Variants in PRKACB observed in about 807,000 individuals in gnomAD.
PRKACB encodes the protein cAMP-dependent protein kinase catalytic subunit beta.
A neutral mutation model predicts 51.4 loss-of-function variants in PRKACB; 16 were observed. The observed-to-expected ratio is 0.31, with a 90% CI of 0.21 to 0.47. The LOEUF is 0.47. Ranked by LOEUF, PRKACB falls within the 20% of genes least tolerant of loss-of-function variation. The pLI is 1.00. For missense variants in PRKACB, 309 were observed against 464.5 expected (o/e 0.67, Z 3.08); for synonymous variants, 147 against 154.4 (o/e 0.95, Z 0.35).
At chr1:84,160,886 A>G (rs538863999) in intron 1 of PRKACB, among the ~76,000 whole-genome samples, 3 of 151,856 alleles carry the variant, frequency 2.0e-5, no homozygotes, top group African/African-American at 7.2e-5. Flanking sequence ...GAGACATTAT[A>G]TTTTCTAGCA....
chr1:84,134,346 CT>C (rs1389708685), intron 1 of PRKACB, among the ~76,000 whole-genome samples: 4 of 114,632 alleles, frequency 3.5e-5, no homozygotes, highest in Non-Finnish European at 8.6e-5. Context: ...GGGGCCTTCG[CT>C]GGGGACCCTG....
intron 1 of PRKACB, among the ~76,000 whole-genome samples, chr1:84,158,281 G>A (rs189570789): frequency 2.3e-4 from 35 of 151,884 alleles, no homozygotes; most frequent in Non-Finnish European, 4.7e-4. Flanking sequence ...CAAGTGATCC[G>A]CCCGCCTCAG....
chr1:84,172,836 C>T (rs1296110577), intron 1 of PRKACB, among the ~76,000 whole-genome samples: 3 of 151,462 alleles, frequency 2.0e-5, no homozygotes, highest in Non-Finnish European at 4.4e-5. Flanking sequence ...CTTTCATTGC[C>T]TATTAAACTT....
intron 1 of PRKACB, among the ~76,000 whole-genome samples, chr1:84,116,743 A>C (rs147052338): frequency 6.6e-6 from 1 of 152,276 alleles, no homozygotes; most frequent in Non-Finnish European, 1.5e-5. Context: ...TTCTAGGTAT[A>C]AGATCATATC....
rs1163996126 is a variant in PRKACB at position 84,235,181 on chromosome 1, T to C, written c.1073T>C (p.Val358Ala). 2 of 1,611,044 alleles carry C rather than the reference T, an allele frequency of 1.2e-6. No individual in the cohort carries two copies. Among genetic ancestry groups the C allele is most frequent in the East Asian group, 2.2e-5 (1 of 44,872 alleles). ...TTTTTCTCTCCCTCTCAATTATAGG[T>C]TGAAGCTCCATTCATACCAAAGTTT... ...TDWIAIYQRK[V>A]EAPFIPKFRG... The change falls in exon 10 of 10, where the codon GTT becomes GCT. Residue 358 changes from valine to alanine, a missense_variant and splice_region_variant. Coordinates refer to ENST00000370685, the MANE Select transcript of PRKACB (RefSeq NM_182948.4).
At chr1:84,212,454 A>G (rs1436596661) in intron 8 of PRKACB, among the ~76,000 whole-genome samples, 2 of 152,208 alleles carry the variant, frequency 1.3e-5, no homozygotes, top group African/African-American at 2.4e-5. Context: ...CTTTGAGAAC[A>G]TGAGAATGTA....
intron 1 of PRKACB, among the ~76,000 whole-genome samples, chr1:84,079,237 G>A (rs1043439658): frequency 6.6e-6 from 1 of 152,072 alleles, no homozygotes; most frequent in Non-Finnish European, 1.5e-5. Flanking sequence ...AATAAAAGTT[G>A]GTTTGCCTTT....
At chr1:84,230,586 T>G (rs1431372848) in intron 9 of PRKACB, among the ~76,000 whole-genome samples, 1 of 152,054 alleles carries the variant, frequency 6.6e-6, no homozygotes, top group African/African-American at 2.4e-5. Context: ...CTTCCATTTG[T>G]TTGTATCTTC....
At chr1:84,136,336 A>T (rs930406648) in intron 1 of PRKACB, among the ~76,000 whole-genome samples, 1 of 151,872 alleles carries the variant, frequency 6.6e-6, no homozygotes, top group Non-Finnish European at 1.5e-5. Flanking sequence ...AAGATAACAA[A>T]CAACCCTATT....
chr1:84,226,362 T>A (rs1468619692), intron 9 of PRKACB, among the ~76,000 whole-genome samples: 1 of 151,824 alleles, frequency 6.6e-6, no homozygotes, highest in Non-Finnish European at 1.5e-5. Flanking sequence ...ATCTTGAGAA[T>A]TTACCATTAT....
At chr1:84,178,459 G>A (rs1430296664) in intron 1 of PRKACB, among the ~76,000 whole-genome samples, 2 of 151,904 alleles carry the variant, frequency 1.3e-5, no homozygotes, top group Non-Finnish European at 2.9e-5. Context: ...ATAAAATAAT[G>A]TGGCTATTTT....
At chr1:84,145,503 A>G (rs1184167648) in intron 1 of PRKACB, among the ~76,000 whole-genome samples, 1 of 152,128 alleles carries the variant, frequency 6.6e-6, no homozygotes, top group Admixed American at 6.5e-5. Context: ...ATGGCTTACA[A>G]AATTTACTCC....
At chr1:84,175,585 TTCAG>T (rs539532980) in intron 1 of PRKACB, among the ~76,000 whole-genome samples, 97 of 151,928 alleles carry the variant, frequency 6.4e-4, no homozygotes, top group African/African-American at 2.2e-3. Context: ...TGCCTGAATT[TTCAG>T]TCAGTTTTCC....
intron 9 of PRKACB, among the ~76,000 whole-genome samples, chr1:84,223,885 C>G (rs767427525): frequency 2.0e-5 from 3 of 152,092 alleles, no homozygotes; most frequent in Non-Finnish European, 4.4e-5. Context: ...TGTCATGTTT[C>G]TTTGCTTTTT....
intron 5 of PRKACB, among the ~76,000 whole-genome samples, chr1:84,194,021 G>T (rs116526185): frequency 0.014 from 2,204 of 152,148 alleles, 60 homozygotes; most frequent in African/African-American, 0.049. Context: ...ACTATGCACA[G>T]GGCAACTAAT....
intron 1 of PRKACB, chr1:84,164,938 T>G: frequency 1.3e-6 from 2 of 1,530,594 alleles, no homozygotes; most frequent in Non-Finnish European, 1.8e-6. Flanking sequence ...CCTCTAGAGA[T>G]TAGCATAACT....
chr1:84,116,659 T>C lies in PRKACB; in HGVS notation c.46+38288T>C, dbSNP rs192321154. On this transcript the variant is annotated intron_variant, in intron 1 of 8. Coordinates refer to the PRKACB transcript ENST00000370688. ...TATAGAAATGCTACTGATTTCTGTATGTTGATTTTGTCTCCTGCAACTCTA... is the reference window on the plus strand; with the variant it reads ...TATAGAAATGCTACTGATTTCTGTACGTTGATTTTGTCTCCTGCAACTCTA... 4.2e-3 allele frequency among the ~76,000 whole-genome samples: 638 copies of C among 152,266 alleles called. 4 individuals are homozygous for C. Among genetic ancestry groups the C allele is most frequent in the African/African-American group, 0.014 (601 of 41,558 alleles).
intron 8 of PRKACB, among the ~76,000 whole-genome samples, chr1:84,206,643 T>G (rs376501873): frequency 2.0e-5 from 3 of 152,152 alleles, no homozygotes; most frequent in African/African-American, 7.2e-5. Flanking sequence ...AAAGTTTTCA[T>G]TGGGGGTTGG....
At chr1:84,191,895 G>A (rs985720682) in intron 5 of PRKACB, among the ~76,000 whole-genome samples, 6 of 152,044 alleles carry the variant, frequency 3.9e-5, no homozygotes, top group Admixed American at 1.3e-4. Flanking sequence ...CTTAAGTCAT[G>A]TGAACTAAAA....
Sources: gnomAD v4.1 joint callset for allele counts (sites outside exome capture counted in the v4.1 genomes callset) on GRCh38, gnomAD v4.1.1 for gene constraint, MANE v1.5 for transcripts, NCBI Gene and HGNC (gene_info 2026-07-23, HGNC 2026-07-21) for gene names.